ATP2C1: variants seen among roughly 807,000 people sequenced by gnomAD.
ATP2C1 encodes the protein calcium-transporting ATPase type 2C member 1.
In ATP2C1, 31 loss-of-function variants were observed where a neutral mutation model predicts 120.5. That is an observed-to-expected ratio of 0.26 (90% CI 0.19 to 0.35). The LOEUF is 0.35. Among genes scored for constraint, ATP2C1 ranks in the 10% least tolerant of loss-of-function variants. The pLI is 1.00. For synonymous variants in ATP2C1, 351 were observed against 358.7 expected (o/e 0.98, Z 0.24); for missense variants, 731 against 1,107.5 (o/e 0.66, Z 4.83).
intron 22 of ATP2C1, 146 bp from the exon 23 acceptor site, chr3:130,995,897 G>A (rs776600282): frequency 5.6e-5 from 35 of 624,614 alleles, no homozygotes; most frequent in Admixed American, 1.3e-4. Flanking sequence ...TGCCAGTTTC[G>A]GCCTCCCAGT....
intron 1 of ATP2C1, among the ~76,000 whole-genome samples, chr3:130,888,212 CAA>C (rs1179817441): frequency 6.6e-5 from 10 of 151,442 alleles, no homozygotes; most frequent in Non-Finnish European, 1.2e-4. Context: ...AGATGCAAAA[CAA>C]AGTCTTCTTT....
Position 130,924,193 on chromosome 3 carries a change from T to C in ATP2C1, c.7-6223T>C, listed in dbSNP as rs116653030. Among the ~76,000 whole-genome samples the C allele has an allele frequency of 8.3e-3, 1,257 of 152,128 alleles. 16 individuals carry two copies. The highest frequency in any genetic ancestry group is 0.029 in the African/African-American group (1,184 of 41,492). On this transcript the variant is annotated intron_variant, in intron 2 of 27. Coordinates refer to ENST00000510168, the MANE Select transcript of ATP2C1 (RefSeq NM_001378687.1). ...ATTGTTATATAGGCCCTGTGAGATATATGCTTTAAGGAAGTTCCATTTTGG... is the reference window on the plus strand; with the variant it reads ...ATTGTTATATAGGCCCTGTGAGATACATGCTTTAAGGAAGTTCCATTTTGG...
chr3:130,901,445 G>C (rs1220616310), intron 2 of ATP2C1, among the ~76,000 whole-genome samples: 5 of 152,080 alleles, frequency 3.3e-5, no homozygotes, highest in Admixed American at 6.6e-5. Flanking sequence ...ATCTATATTA[G>C]AGTAATGGGA....
chr3:130,891,968 A>C (rs1165092958), upstream of ATP2C1, among the ~76,000 whole-genome samples: 2 of 152,160 alleles, frequency 1.3e-5, no homozygotes. Flanking sequence ...TTCTTGGTAA[A>C]GTTGATCTTG....
intron 8 of ATP2C1, among the ~76,000 whole-genome samples, chr3:130,952,044 C>G (rs778891901): frequency 2.0e-5 from 3 of 152,122 alleles, no homozygotes; most frequent in Non-Finnish European, 2.9e-5. Context: ...ACATGAAATC[C>G]ACTCTCCCTA....
At chr3:130,922,403 A>T (rs903479582) in intron 2 of ATP2C1, among the ~76,000 whole-genome samples, 4 of 151,518 alleles carry the variant, frequency 2.6e-5, no homozygotes, top group Non-Finnish European at 4.4e-5. Flanking sequence ...ATTTTTTTTT[A>T]AAGAACCAGC....
intron 1 of ATP2C1, among the ~76,000 whole-genome samples, chr3:130,853,094 A>T (rs2067726664): frequency 6.6e-6 from 1 of 152,220 alleles, no homozygotes; most frequent in South Asian, 2.1e-4. Context: ...TTTGTACTTA[A>T]ATCACATTAT....
At chr3:130,927,559 A>G (rs1402785388) in intron 2 of ATP2C1, among the ~76,000 whole-genome samples, 1 of 152,160 alleles carries the variant, frequency 6.6e-6, no homozygotes. Flanking sequence ...TTTTTAAAAT[A>G]GAGAAAACAG....
chr3:131,009,074 A>G (rs1336967120), intron 26 of ATP2C1, among the ~76,000 whole-genome samples: 3 of 152,070 alleles, frequency 2.0e-5, no homozygotes, highest in Admixed American at 1.3e-4. Flanking sequence ...GCTCACTTCT[A>G]CCTCTTGGAT....
intron 20 of ATP2C1, among the ~76,000 whole-genome samples, chr3:130,983,666 C>G (rs1051953282): frequency 6.6e-6 from 1 of 152,194 alleles, no homozygotes; most frequent in Non-Finnish European, 1.5e-5. Flanking sequence ...ACGTTTTCAT[C>G]CCTCCCCACT....
intron 2 of ATP2C1, among the ~76,000 whole-genome samples, chr3:130,895,254 T>C (rs1262127412): frequency 6.6e-6 from 1 of 152,174 alleles, no homozygotes; most frequent in Non-Finnish European, 1.5e-5. Flanking sequence ...TCATTATTTT[T>C]CAATTCACAA....
chr3:130,950,077 G>A (rs1427993204), intron 8 of ATP2C1, among the ~76,000 whole-genome samples: 1 of 152,090 alleles, frequency 6.6e-6, no homozygotes, highest in Non-Finnish European at 1.5e-5. Context: ...AGTACTTTCT[G>A]CCTTTCAGGA....
chr3:130,902,284 G>GTTTTTTTTT lies in ATP2C1; in HGVS notation c.6+7513_6+7521dup, dbSNP rs1157956407. Among the ~76,000 whole-genome samples, 19 of 65,506 alleles carry GTTTTTTTTT rather than the reference G, an allele frequency of 2.9e-4. 4 individuals are homozygous for GTTTTTTTTT. The highest frequency in any genetic ancestry group is 4.5e-4 in the African/African-American group (8 of 17,734). The allele number at this position is 65,506 out of a possible 152,430, so 43.0% of individuals were successfully genotyped here. ...TTAACTGCTAATTTCAAGGCTTCAC[G>GTTTTTTTTT]TTTTTTTTTTTTGTTTTTTTTTTTT... On this transcript the variant is annotated intron_variant, in intron 2 of 27. Transcript: ENST00000510168.
At chr3:130,972,154 C>T (rs936184468) in intron 17 of ATP2C1, among the ~76,000 whole-genome samples, 3 of 152,148 alleles carry the variant, frequency 2.0e-5, no homozygotes, top group East Asian at 1.9e-4. Context: ...GTGTAGTTCA[C>T]GATAGGGTTC....
intron 2 of ATP2C1, among the ~76,000 whole-genome samples, chr3:130,922,223 C>G (rs554982042): frequency 3.9e-5 from 6 of 152,086 alleles, no homozygotes; most frequent in Non-Finnish European, 8.8e-5. Flanking sequence ...ACCATCTCCT[C>G]TGGATTTTCT....
At chr3:130,964,361 A>T (rs1348414008) in intron 13 of ATP2C1, among the ~76,000 whole-genome samples, 3 of 152,092 alleles carry the variant, frequency 2.0e-5, no homozygotes, top group African/African-American at 4.8e-5. Context: ...GAAATCTTGG[A>T]GTAAAATTAA....
intron 27 of ATP2C1, among the ~76,000 whole-genome samples, chr3:131,000,955 T>C (rs981670485): frequency 6.6e-6 from 1 of 151,862 alleles, no homozygotes; most frequent in Admixed American, 6.6e-5. Flanking sequence ...ATACGAACAT[T>C]AGCCAGGTAT....
chr3:130,975,563 C>G (rs2061501307), intron 18 of ATP2C1, 75 bp downstream of exon 18: 7 of 1,484,602 alleles, frequency 4.7e-6, no homozygotes, highest in African/African-American at 1.4e-5. Context: ...ATTCATGCTT[C>G]ACATTTGAGC....
chr3:130,882,242 G>A (rs994165172), intron 1 of ATP2C1, among the ~76,000 whole-genome samples: 18 of 151,092 alleles, frequency 1.2e-4, no homozygotes, highest in Admixed American at 1.1e-3. Flanking sequence ...CTGTTGCCCA[G>A]GCTGGAATGC....
Sources: gnomAD v4.1 joint callset for allele counts (sites outside exome capture counted in the v4.1 genomes callset) on GRCh38, gnomAD v4.1.1 for gene constraint, MANE v1.5 for transcripts, NCBI Gene and HGNC (gene_info 2026-07-23, HGNC 2026-07-21) for gene names.